The following GADL1 variants were observed in gnomAD, a reference collection of about 807,000 sequenced individuals.
GADL1 encodes the protein acidic amino acid decarboxylase GADL1.
In GADL1, 71 loss-of-function variants were observed where a neutral mutation model predicts 69.5. That is an observed-to-expected ratio of 1.02 (90% CI 0.84 to 1.25). GADL1 has a LOEUF of 1.25. GADL1 is among the 50% of genes most tolerant of loss of function. The probability of loss-of-function intolerance (pLI) is 0.00; values close to 1 mark genes in which losing one functional copy is unlikely to be tolerated. For missense variants in GADL1, 737 were observed against 631.8 expected, an observed-to-expected ratio of 1.17 and a Z score of -1.79; for synonymous variants, 254 against 214.4, an observed-to-expected ratio of 1.18 and a Z score of -1.62.
Position 30,728,005 on chromosome 3 carries a change from C to A in GADL1, c.*237G>T. ...TCTCTTCAGAGCTGTGTTCCAGGGG[C>A]ATTCCTTGAGAAAATCATTTTTTTT... is the stretch of plus-strand genomic sequence containing the variant. On this transcript the variant is annotated 3_prime_UTR_variant, in exon 15 of 15. Transcript: ENST00000282538. 5.0e-6 allele frequency: 2 copies of A among 403,378 alleles called. No homozygotes were observed. The highest frequency in any genetic ancestry group is 9.1e-5 in the South Asian group (2 of 22,026). The allele number at this position is 403,378 out of a possible 1,614,324, so 25.0% of individuals were successfully genotyped here.
chr3:30,844,463 G>A lies in GADL1; in HGVS notation c.655C>T (p.His219Tyr), dbSNP rs1244264370. Residue 219 changes from histidine to tyrosine, a missense_variant, in exon 7 of 15, where the codon CAT becomes TAT. Physicochemically the swap from His to Tyr is moderately conservative, Grantham distance 83. Transcript: ENST00000282538. ...RLILFTSAEC[H>Y]YSMKKAASFL... ...GAGGCTGCCTTCTTCATAGAGTAAT[G>A]ACACTGAATTCAAAGGGACAGTGGG... The A allele has an allele frequency of 6.2e-7, 1 of 1,604,304 alleles. No homozygotes were observed. The highest frequency in any genetic ancestry group is 8.5e-7 in the Non-Finnish European group (1 of 1,171,300).
At chr3:30,758,678 ATTC>A (rs1337972354) in intron 14 of GADL1, among the ~76,000 whole-genome samples, 2 of 152,202 alleles carry the variant, frequency 1.3e-5, no homozygotes, top group Admixed American at 6.5e-5. Flanking sequence ...CTATTCCTGG[ATTC>A]TTATCACTGA....
intron 9 of GADL1, among the ~76,000 whole-genome samples, chr3:30,835,638 G>A (rs1261094274): frequency 6.6e-6 from 1 of 152,054 alleles, no homozygotes; most frequent in Middle Eastern, 3.4e-3. Context: ...CTCTTGCAAG[G>A]CCCTAAGAGT....
intron 1 of GADL1, among the ~76,000 whole-genome samples, chr3:30,885,888 T>C (rs1159672706): frequency 6.6e-6 from 1 of 152,088 alleles, no homozygotes; most frequent in African/African-American, 2.4e-5. Context: ...GCTATAGGCA[T>C]GAGCCACCGT....
At chr3:30,840,241 A>C (rs1233890765) in intron 8 of GADL1, among the ~76,000 whole-genome samples, 4 of 152,120 alleles carry the variant, frequency 2.6e-5, no homozygotes, top group Non-Finnish European at 1.5e-5. Context: ...AACTCTTTCC[A>C]ATTTAACCGA....
intron 14 of GADL1, among the ~76,000 whole-genome samples, chr3:30,752,083 A>C (rs1695834460): frequency 6.6e-6 from 1 of 150,894 alleles, no homozygotes; most frequent in Admixed American, 6.6e-5. Context: ...TATTTCGTTA[A>C]AGTACTGCTG....
At position 30,894,531 on chromosome 3, in the gene GADL1, G is replaced by C. The variant is rs1435615747; in HGVS notation, c.37+47C>G. ...TCAAAAATAAGGAGATTAAAACCCA[G>C]ACAGGGGAGGTTAAGGACAAAAACC... On this transcript the variant is annotated intron_variant, in intron 1 of 14. Transcript: ENST00000282538. 7 of 1,495,882 alleles carry C rather than the reference G, an allele frequency of 4.7e-6. No individual in the cohort carries two copies. The African/African-American group carries it at 9.8e-5, about 21-fold the overall frequency. 92.7% of individuals were successfully genotyped at this position (1,495,882 alleles called of 1,614,324 possible). A position where few individuals can be genotyped will look rare whatever the true frequency, so the allele number is the denominator to read the frequency against.
In GADL1 at chr3:30,726,678, G is replaced by A. The variant is rs1695372093; in HGVS notation, c.*1564C>T. ...AACAATGGAGTACGAAAAGGTTATT[G>A]AATGTGCTAAGTCTAATGCTTTAAC... On this transcript the variant is annotated 3_prime_UTR_variant, in exon 15 of 15. Coordinates refer to ENST00000282538, the MANE Select transcript of GADL1 (RefSeq NM_207359.3). 1 of 152,064 alleles carries A rather than the reference G, an allele frequency of 6.6e-6. No homozygotes were observed. The highest frequency in any genetic ancestry group is 2.4e-5 in the African/African-American group (1 of 41,400). 9.4% of individuals were successfully genotyped at this position (152,064 alleles called of 1,614,324 possible).
chr3:30,796,538 A>G (rs1408519685), intron 12 of GADL1, among the ~76,000 whole-genome samples: 1 of 152,166 alleles, frequency 6.6e-6, no homozygotes, highest in African/African-American at 2.4e-5. Flanking sequence ...ACTCTCAAAT[A>G]ATTAAACTTT....
intron 12 of GADL1, among the ~76,000 whole-genome samples, chr3:30,787,957 GAT>G (rs1199075471): frequency 1.4e-4 from 21 of 152,024 alleles, no homozygotes; most frequent in Non-Finnish European, 2.6e-4. Context: ...ATATTTCAAA[GAT>G]ATTATCTATA....
At position 30,727,519 on chromosome 3, in the gene GADL1, A is replaced by C. The variant is rs1304180403; in HGVS notation, c.*723T>G. ...CTGCATAAAACATAAATCTCTATGA[A>C]GTAAACATCTTATACAGTTTCTCTC... On this transcript the variant is annotated 3_prime_UTR_variant, in exon 15 of 15. Transcript: ENST00000282538. 1 of 151,962 alleles carries C rather than the reference A, an allele frequency of 6.6e-6. No individual in the cohort carries two copies. The highest frequency in any genetic ancestry group is 2.4e-5 in the African/African-American group (1 of 41,402). 9.4% of individuals were successfully genotyped at this position (151,962 alleles called of 1,614,324 possible).
At chr3:30,877,139 C>A (rs1401073568) in intron 1 of GADL1, among the ~76,000 whole-genome samples, 4 of 151,840 alleles carry the variant, frequency 2.6e-5, no homozygotes, top group Non-Finnish European at 5.9e-5. Context: ...ATATGAGGAT[C>A]AGAGAGGTTA....
In GADL1 at chr3:30,728,060, T is replaced by A; in HGVS notation, c.*182A>T. On this transcript the variant is annotated 3_prime_UTR_variant, in exon 15 of 15. Transcript: ENST00000282538. The stretch of plus-strand genomic sequence containing the variant: ...AACTTTCTTCTTTTAGCAACAGTAA[T>A]GCCCAGGCAGCTAGAGAGTCCTTAA... The A allele has an allele frequency of 2.0e-6, 1 of 508,716 alleles. No individual in the cohort carries two copies. Among genetic ancestry groups the A allele is most frequent in the South Asian group, 3.9e-5 (1 of 25,416 alleles). The allele number at this position is 508,716 out of a possible 1,614,324, so 31.5% of individuals were successfully genotyped here. A position where few individuals can be genotyped will look rare whatever the true frequency, so the allele number is the denominator to read the frequency against.
intron 1 of GADL1, among the ~76,000 whole-genome samples, chr3:30,889,084 TAAAAAAAAAAAAAAAAA>T (rs60227313): frequency 1.5e-4 from 5 of 32,916 alleles, no homozygotes; most frequent in Admixed American, 4.6e-4. Context: ...CGGTAATCTA[TAAAAAAAAAAAAAAAAA>T]AAAAAAAAAA....
chr3:30,831,472 T>G (rs1697792167), intron 11 of GADL1, among the ~76,000 whole-genome samples: 1 of 151,934 alleles, frequency 6.6e-6, no homozygotes, highest in Non-Finnish European at 1.5e-5. Context: ...ATGGAGATGG[T>G]TTCAGTAGTA....
chr3:30,780,366 G>T lies in GADL1; in HGVS notation c.1303-2098C>A, dbSNP rs190383528. On this transcript the variant is annotated intron_variant, in intron 13 of 14. Transcript: ENST00000282538. The stretch of plus-strand genomic sequence containing the variant: ...TCTCTCTGAAGAGGTCTAGACCTCA[G>T]TCCTGGGAAGGGATGGACTCTCCCT... Among the ~76,000 whole-genome samples the T allele has an allele frequency of 7.0e-4, 107 of 152,314 alleles. 1 individual carries two copies. The highest frequency in any genetic ancestry group is 4.6e-4 in the Admixed American group (7 of 15,298).
intron 11 of GADL1, among the ~76,000 whole-genome samples, chr3:30,833,570 G>A (rs1174022307): frequency 1.3e-5 from 2 of 151,980 alleles, no homozygotes; most frequent in Non-Finnish European, 2.9e-5. Flanking sequence ...TTAAAACTGA[G>A]TTTTAAAATA....
At chr3:30,784,418 T>C (rs1696745184) in intron 13 of GADL1, among the ~76,000 whole-genome samples, 1 of 151,908 alleles carries the variant, frequency 6.6e-6, no homozygotes, top group Non-Finnish European at 1.5e-5. Flanking sequence ...CTTCTCGCAC[T>C]CTAAATTTGT....
At chr3:30,813,430 A>T (rs1371468146) in intron 11 of GADL1, among the ~76,000 whole-genome samples, 1 of 152,220 alleles carries the variant, frequency 6.6e-6, no homozygotes, top group Non-Finnish European at 1.5e-5. Context: ...ACACAGAGTG[A>T]GTGTTCTGCT....
Sources: gnomAD v4.1 joint callset for allele counts (sites outside exome capture counted in the v4.1 genomes callset) on GRCh38, gnomAD v4.1.1 for gene constraint, MANE v1.5 for transcripts, NCBI Gene and HGNC (gene_info 2026-07-23, HGNC 2026-07-21) for gene names.